Variants in BCAS3 observed in about 807,000 individuals in gnomAD.
BCAS3 encodes BCAS4/BCAS3 fusion.
In BCAS3, 53 loss-of-function variants were observed where a neutral mutation model predicts 116.1. The ratio of observed to expected loss-of-function variants is 0.46; its 90% CI spans 0.37 to 0.57. The LOEUF (loss-of-function observed/expected upper bound fraction) is 0.57. Ranked by LOEUF, BCAS3 falls within the 20% of genes least tolerant of loss-of-function variation. The pLI, the probability that BCAS3 is intolerant of heterozygous loss-of-function variation, is 0.00. For missense variants in BCAS3, 917 were observed against 1,165.4 expected (o/e 0.79, Z 3.10); for synonymous variants, 391 against 408.2 (o/e 0.96, Z 0.51).
At chr17:60,849,134 A>G (rs7216719) in intron 7 of BCAS3, among the ~76,000 whole-genome samples, 43,348 of 152,094 alleles carry the variant, frequency 0.29, 9,861 homozygotes, top group African/African-American at 0.63. Flanking sequence ...TGGTTTGTGT[A>G]ATTTGGGGGT....
intron 22 of BCAS3, among the ~76,000 whole-genome samples, chr17:61,330,908 G>T (rs1311822993): frequency 6.6e-6 from 1 of 152,222 alleles, no homozygotes; most frequent in Non-Finnish European, 1.5e-5. Context: ...TGTAATCATT[G>T]TCATTGTGTG....
intron 22 of BCAS3, among the ~76,000 whole-genome samples, chr17:61,096,241 TTTTC>T (rs1482930203): frequency 6.6e-6 from 1 of 152,230 alleles, no homozygotes; most frequent in Non-Finnish European, 1.5e-5. Flanking sequence ...TATAAAAGTT[TTTTC>T]TTTCTATTAT....
At chr17:61,317,505 AG>A (rs1447958646) in intron 22 of BCAS3, among the ~76,000 whole-genome samples, 3 of 152,208 alleles carry the variant, frequency 2.0e-5, no homozygotes, top group Non-Finnish European at 4.4e-5. Context: ...GGCCTGGACC[AG>A]GAAAATGCAG....
chr17:61,387,173 G>A lies in BCAS3; in HGVS notation c.2594-4804G>A, dbSNP rs760370666. Among the ~76,000 whole-genome samples, 9 of 152,260 alleles carry A rather than the reference G, an allele frequency of 5.9e-5. No homozygotes were observed. Among genetic ancestry groups the A allele is most frequent in the East Asian group, 3.9e-4 (2 of 5,162 alleles). On this transcript the variant is annotated intron_variant, in intron 23 of 23. Transcript: ENST00000407086. The surrounding 1 kb of genome is among the most constrained non-coding windows in gnomAD (Gnocchi z 6.2). ...GTGCCCTCCGCATTTCACCCCTCCC[G>A]GGGAGTCTGCTGCCCGTCAACTCAC...
intron 22 of BCAS3, among the ~76,000 whole-genome samples, chr17:61,201,779 G>C (rs2080834578): frequency 8.1e-6 from 1 of 123,258 alleles, no homozygotes; most frequent in African/African-American, 3.5e-5. Flanking sequence ...TTTTTTTTGA[G>C]ACAGGGTCTC....
intron 5 of BCAS3, among the ~76,000 whole-genome samples, chr17:60,744,037 A>G (rs1434204372): frequency 1.3e-5 from 2 of 152,206 alleles, no homozygotes; most frequent in Non-Finnish European, 2.9e-5. Flanking sequence ...CCAAACAACA[A>G]AAGTCTGTCA....
intron 23 of BCAS3, among the ~76,000 whole-genome samples, chr17:61,371,763 G>A (rs754258989): frequency 2.0e-5 from 3 of 152,084 alleles, no homozygotes; most frequent in Admixed American, 1.3e-4. Context: ...AGCAGCATCC[G>A]TAGCCAGGCG....
intron 22 of BCAS3, among the ~76,000 whole-genome samples, chr17:61,357,311 A>G (rs971726570): frequency 6.7e-6 from 1 of 149,324 alleles, no homozygotes; most frequent in Non-Finnish European, 1.5e-5. Context: ...ACAGGTGCCT[A>G]TGGTTTCAGC....
At chr17:60,948,797 G>A (rs1273107151) in intron 14 of BCAS3, among the ~76,000 whole-genome samples, 1 of 151,992 alleles carries the variant, frequency 6.6e-6, no homozygotes, top group African/African-American at 2.4e-5. Flanking sequence ...AATATACAGT[G>A]TTTACCCCAC....
At chr17:61,120,404 C>G (rs1394341107) in intron 22 of BCAS3, among the ~76,000 whole-genome samples, 1 of 152,032 alleles carries the variant, frequency 6.6e-6, no homozygotes. Flanking sequence ...CATATCTTTC[C>G]TTTCCCTTAA....
intron 1 of BCAS3, among the ~76,000 whole-genome samples, chr17:60,678,955 G>T (rs1438262671): frequency 6.6e-6 from 1 of 152,174 alleles, no homozygotes; most frequent in Non-Finnish European, 1.5e-5. Context: ...TGGGCGCGGT[G>T]GCTCAAGCCT....
At chr17:60,980,144 T>G (rs1174756979) in intron 14 of BCAS3, among the ~76,000 whole-genome samples, 1 of 152,144 alleles carries the variant, frequency 6.6e-6, no homozygotes, top group Non-Finnish European at 1.5e-5. Flanking sequence ...TTTTGGTTGG[T>G]AAGCTATTGA....
chr17:61,146,343 C>T (rs2077210643), intron 22 of BCAS3, among the ~76,000 whole-genome samples: 1 of 150,982 alleles, frequency 6.6e-6, no homozygotes, highest in South Asian at 2.1e-4. Context: ...GTCTCGAACT[C>T]CTGGGTTCAG....
chr17:60,954,181 T>G (rs9890322), intron 14 of BCAS3, among the ~76,000 whole-genome samples: 47,496 of 151,982 alleles, frequency 0.31, 12,467 homozygotes, highest in African/African-American at 0.72. Flanking sequence ...TAGGTATGTG[T>G]CCTTATTTCT....
chr17:61,109,184 CAAA>C (rs4011679), intron 22 of BCAS3, among the ~76,000 whole-genome samples: 4 of 57,404 alleles, frequency 7.0e-5, no homozygotes, highest in Admixed American at 2.1e-4. Flanking sequence ...GACTTTGTCT[CAAA>C]AAAAAAAAAA....
chr17:60,787,139 T>G (rs146841574), intron 6 of BCAS3, among the ~76,000 whole-genome samples: 111 of 152,350 alleles, frequency 7.3e-4, no homozygotes, highest in Middle Eastern at 3.4e-3. Flanking sequence ...CTTATTTGCT[T>G]AAATTTTTTA....
Position 61,034,765 on chromosome 17 carries a change from T to A in BCAS3, c.1737T>A (p.Asn579Lys), listed in dbSNP as rs1419635672. 4.3e-6 allele frequency: 7 copies of A among 1,612,088 alleles called. No individual in the cohort carries two copies. Among genetic ancestry groups the A allele is most frequent in the Non-Finnish European group, 5.9e-6 (7 of 1,179,118 alleles). ...IFGTSRSWFA[N>K]NAGLKREKDQ... Reference sequence around the variant, plus strand: ...GAACATCCAGGTCATGGTTTGCAAATAATGCAGGTCTGAAAAGAGAAAAAG... The same window carrying A: ...GAACATCCAGGTCATGGTTTGCAAAAAATGCAGGTCTGAAAAGAGAAAAAG... The change falls in exon 17 of 24, where the codon AAT becomes AAA. Residue 579 changes from asparagine to lysine, a missense_variant. This residue lies in a region of BCAS3 where 807 missense variants were observed against 1,026.0 expected (regional missense o/e 0.79). Transcript: ENST00000407086. The surrounding 1 kb of genome is among the most constrained non-coding windows in gnomAD (Gnocchi z 5.0).
chr17:61,111,816 A>T, intron 22 of BCAS3, among the ~76,000 whole-genome samples: 5 of 112,494 alleles, frequency 4.4e-5, no homozygotes, highest in Non-Finnish European at 3.7e-5. Context: ...GAAGGAAAAA[A>T]TGTTAAGGGC....
intron 13 of BCAS3, among the ~76,000 whole-genome samples, chr17:60,934,324 C>T (rs1252978252): frequency 6.6e-6 from 1 of 152,070 alleles, no homozygotes; most frequent in African/African-American, 2.4e-5. Flanking sequence ...TAAAGGTGCT[C>T]AGTTGATAGT....
Sources: gnomAD v4.1 joint callset for allele counts (sites outside exome capture counted in the v4.1 genomes callset) on GRCh38, gnomAD v4.1.1 for gene constraint, gnomAD v4.1.1 regional missense constraint, Gnocchi (gnomAD v3.1) non-coding constraint, MANE v1.5 for transcripts, NCBI Gene and HGNC (gene_info 2026-07-23, HGNC 2026-07-21) for gene names.